The following PLEKHS1 variants were observed in gnomAD, a reference collection of about 807,000 sequenced individuals.
The protein encoded by PLEKHS1 is pleckstrin homology domain-containing family S member 1.
Under a neutral mutation model 51.0 loss-of-function variants are expected in PLEKHS1, and 55 were observed. The ratio of observed to expected loss-of-function variants is 1.08; its 90% CI spans 0.87 to 1.35. PLEKHS1 has a LOEUF of 1.35. PLEKHS1 is among the 40% of genes most tolerant of loss of function. The pLI is 0.00. For synonymous variants in PLEKHS1, 153 were observed against 144.8 expected (o/e 1.06, Z -0.41); for missense variants, 398 against 423.0 (o/e 0.94, Z 0.52).
chr10:113,759,142 G>A (rs1186116400), intron 2 of PLEKHS1, among the ~76,000 whole-genome samples: 3 of 152,184 alleles, frequency 2.0e-5, no homozygotes, highest in South Asian at 2.1e-4. Flanking sequence ...GGTGGCTCAC[G>A]CCTGTAATCC....
chr10:113,767,821 T>C (rs147671082), intron 5 of PLEKHS1, among the ~76,000 whole-genome samples: 1 of 152,138 alleles, frequency 6.6e-6, no homozygotes, highest in Admixed American at 6.5e-5. Context: ...TCCTAACTAT[T>C]GGTAGTTCCC....
chr10:113,779,213 AAAG>A (rs1407238796), intron 11 of PLEKHS1, among the ~76,000 whole-genome samples: 6 of 152,144 alleles, frequency 3.9e-5, no homozygotes, highest in African/African-American at 7.2e-5. Flanking sequence ...GCATGGTGGA[AAAG>A]AAGTAGATTT....
chr10:113,775,965 G>A, intron 11 of PLEKHS1, 99 bp downstream of exon 11: 1 of 843,570 alleles, frequency 1.2e-6, no homozygotes, highest in Non-Finnish European at 1.8e-6. Context: ...ACACTGACTA[G>A]GTTTGGGGCG....
chr10:113,777,781 C>G, intron 11 of PLEKHS1: 1 of 1,445,582 alleles, frequency 6.9e-7, no homozygotes, highest in Non-Finnish European at 9.0e-7. Context: ...TTCATTATCT[C>G]AGAAATCGTC....
intron 1 of PLEKHS1, among the ~76,000 whole-genome samples, chr10:113,754,677 G>C (rs1854016334): frequency 6.6e-6 from 1 of 152,092 alleles, no homozygotes; most frequent in Non-Finnish European, 1.5e-5. Context: ...GTAGAGATGG[G>C]GTTTCACCAT....
At chr10:113,776,999 A>T in intron 11 of PLEKHS1, 125 bp from the exon 12 acceptor site, 1 of 1,111,924 alleles carries the variant, frequency 9.0e-7, no homozygotes, top group East Asian at 2.6e-5. Flanking sequence ...CAATATTCTA[A>T]ACAGAAGGAG....
At chr10:113,751,818 C>T (rs1853855402) in intron 1 of PLEKHS1, 57 bp downstream of exon 1, 1 of 152,062 alleles carries the variant, frequency 6.6e-6, no homozygotes, top group Admixed American at 6.6e-5. Context: ...GATCTAGAAG[C>T]TTTTTTGCAA....
At chr10:113,765,055 T>G in intron 2 of PLEKHS1, 1 of 255,214 alleles carries the variant, frequency 3.9e-6, no homozygotes, top group Non-Finnish European at 7.4e-6. Context: ...CTGTTTTGAT[T>G]GATTGACTTT....
chr10:113,753,136 G>A (rs12572757), intron 1 of PLEKHS1, among the ~76,000 whole-genome samples: 16,692 of 152,080 alleles, frequency 0.11, 928 homozygotes, highest in Middle Eastern at 0.13. Flanking sequence ...TTTAAAATAT[G>A]CCACCCACAG....
intron 2 of PLEKHS1, among the ~76,000 whole-genome samples, chr10:113,756,026 C>A (rs893182570): frequency 1.3e-5 from 2 of 152,190 alleles, no homozygotes; most frequent in African/African-American, 4.8e-5. Flanking sequence ...TGCTCTTATT[C>A]ATACACTTCT....
chr10:113,776,867 T>C (rs1382715118), intron 11 of PLEKHS1, among the ~76,000 whole-genome samples: 2 of 151,850 alleles, frequency 1.3e-5, no homozygotes, highest in African/African-American at 4.8e-5. Context: ...AGTCCAGGGG[T>C]AGGGGAGATG....
rs778438704 is a variant in PLEKHS1 at position 113,766,373 on chromosome 10, TTATGAGG to T, written c.29-37_29-31del. ...AATTGAGGCAGTTCTTTTCAGAAATTTATGAGGAACAAACTGAGTTCTGTTCACTTTT... is the reference window on the plus strand; with the variant it reads ...AATTGAGGCAGTTCTTTTCAGAAATTAACAAACTGAGTTCTGTTCACTTTT... On this transcript the variant is annotated intron_variant, in intron 2 of 11. Transcript: ENST00000361048. 1.0e-3 allele frequency: 1,345 copies of T among 1,296,696 alleles called. 7 individuals are homozygous for T. In the African/African-American group the frequency reaches 0.016, roughly 16 times the overall value. 80.3% of individuals were successfully genotyped at this position (1,296,696 alleles called of 1,614,324 possible).
chr10:113,755,934 T>C (rs1001765802), intron 2 of PLEKHS1, among the ~76,000 whole-genome samples: 1 of 152,190 alleles, frequency 6.6e-6, no homozygotes, highest in African/African-American at 2.4e-5. Context: ...TAATTTTACG[T>C]GAAACTCACA....
At position 113,755,321 on chromosome 10, in the gene PLEKHS1, A is replaced by G; in HGVS notation, c.28+16A>G. On this transcript the variant is annotated intron_variant, in intron 2 of 11. Coordinates refer to ENST00000361048, the Ensembl canonical transcript of PLEKHS1. ...AAGAGTCCAGGTACCCGAGGGGTATAATCGCAGAAGCAGAAATCTTTTTAT... is the reference window on the plus strand; with the variant it reads ...AAGAGTCCAGGTACCCGAGGGGTATGATCGCAGAAGCAGAAATCTTTTTAT... The G allele has an allele frequency of 6.2e-7, 1 of 1,605,368 alleles. No individual in the cohort carries two copies. Among genetic ancestry groups the G allele is most frequent in the Non-Finnish European group, 8.5e-7 (1 of 1,176,620 alleles).
At chr10:113,768,954 A>G in intron 6 of PLEKHS1, 64 bp downstream of exon 6, 1 of 1,289,628 alleles carries the variant, frequency 7.8e-7, no homozygotes, top group African/African-American at 1.5e-5. Flanking sequence ...AATAGAAAAC[A>G]ATGGTAGCTT....
At chr10:113,758,151 T>C (rs1017436482) in intron 2 of PLEKHS1, among the ~76,000 whole-genome samples, 1 of 152,258 alleles carries the variant, frequency 6.6e-6, no homozygotes, top group Non-Finnish European at 1.5e-5. Flanking sequence ...ATCATGAATA[T>C]TTTTATGACA....
In PLEKHS1 at chr10:113,761,052, G is replaced by C. The variant is rs1428700897; in HGVS notation, c.29-5359G>C. On this transcript the variant is annotated intron_variant, in intron 2 of 11. Coordinates refer to ENST00000361048, the Ensembl canonical transcript of PLEKHS1. ...CTCAGTTGGCCCAGCACCATTTATT[G>C]AAAAGACTGTTCTCTCCCCATTGAA... Among the ~76,000 whole-genome samples, 3 of 152,226 alleles carry C rather than the reference G, an allele frequency of 2.0e-5. No homozygotes were observed. The East Asian group carries it at 5.8e-4, about 29-fold the overall frequency.
At chr10:113,779,057 T>A (rs887840553) in intron 11 of PLEKHS1, among the ~76,000 whole-genome samples, 1 of 152,210 alleles carries the variant, frequency 6.6e-6, no homozygotes, top group Non-Finnish European at 1.5e-5. Context: ...TATGTGCTAC[T>A]TGCTATACAG....
chr10:113,782,945 A>G (rs1844899395), downstream of PLEKHS1: 1 of 152,192 alleles, frequency 6.6e-6, no homozygotes, highest in Admixed American at 6.5e-5. Context: ...TTGTAATAAT[A>G]AAAAATCAGG....
Sources: gnomAD v4.1 joint callset for allele counts (sites outside exome capture counted in the v4.1 genomes callset) on GRCh38, gnomAD v4.1.1 for gene constraint, MANE v1.5 for transcripts, NCBI Gene and HGNC (gene_info 2026-07-23, HGNC 2026-07-21) for gene names.